The following SLC8A2 variants were observed in gnomAD, a reference collection of about 807,000 sequenced individuals.
The protein encoded by SLC8A2 is solute carrier family 8 member A2.
A neutral mutation model predicts 70.2 loss-of-function variants in SLC8A2; 14 were observed. The observed-to-expected ratio is 0.20, with a 90% CI of 0.13 to 0.31. The LOEUF is 0.31. SLC8A2 is among the 10% of genes least tolerant of loss of function. SLC8A2 has a pLI of 1.00. For missense variants in SLC8A2, 779 were observed against 1,320.1 expected (o/e 0.59, Z 6.35); for synonymous variants, 575 against 594.3 (o/e 0.97, Z 0.47).
chr19:47,454,945 G>C (rs1219634434), intron 3 of SLC8A2, among the ~76,000 whole-genome samples: 1 of 152,070 alleles, frequency 6.6e-6, no homozygotes, highest in African/African-American at 2.4e-5. Flanking sequence ...AGATTAGCTG[G>C]GTGTGGTGGT....
Position 47,437,516 on chromosome 19 carries a change from T to G in SLC8A2, c.2056A>C (p.Ile686Leu). 6.2e-7 allele frequency: 1 copy of G among 1,614,018 alleles called. No homozygotes were observed. The highest frequency in any genetic ancestry group is 8.5e-7 in the Non-Finnish European group (1 of 1,179,950). Reference sequence around the variant, plus strand: ...TGCTCCCTCCATGAATGGGTCCCAATTACCAAGGCCAAGTTCGTTTTCTTG... The same window carrying G: ...TGCTCCCTCCATGAATGGGTCCCAAGTACCAAGGCCAAGTTCGTTTTCTTG... The part of the protein sequence containing the change: ...LIKKTNLALV[I>L]GTHSWREQFL... The change falls in exon 8 of 10, where the codon ATT becomes CTT. Residue 686 changes from isoleucine to leucine, a missense_variant. By Grantham distance (5) the Ile-to-Leu change is conservative (BLOSUM62 2). Coordinates refer to ENST00000236877, the MANE Select transcript of SLC8A2 (RefSeq NM_015063.3).
Position 47,466,566 on chromosome 19 carries a change from A to G in SLC8A2, c.-16-147T>C. On this transcript the variant is annotated intron_variant, in intron 1 of 9. Coordinates refer to ENST00000236877, the MANE Select transcript of SLC8A2 (RefSeq NM_015063.3). The surrounding 1 kb of genome is among the most constrained non-coding windows in gnomAD (Gnocchi z 6.9). ...GGGACTGAGGGCGACAGAGACACAGAGAGTGACAGACAGAGACCCACAGAG... is the reference window on the plus strand; with the variant it reads ...GGGACTGAGGGCGACAGAGACACAGGGAGTGACAGACAGAGACCCACAGAG... The G allele has an allele frequency of 1.9e-6, 1 of 535,240 alleles. No homozygotes were observed. Among genetic ancestry groups the G allele is most frequent in the Non-Finnish European group, 3.3e-6 (1 of 306,222 alleles). The allele number at this position is 535,240 out of a possible 1,614,324, so 33.2% of individuals were successfully genotyped here.
Position 47,437,839 on chromosome 19 carries a change from G to T in SLC8A2, c.2010+10C>A. On this transcript the variant is annotated intron_variant, in intron 7 of 9. Transcript: ENST00000236877. ...CTGGACTCCAGGAAGGTGAGGCCCC[G>T]GAAAATCACCTTAAAATCATATGAC... The T allele has an allele frequency of 6.2e-7, 1 of 1,613,986 alleles. No individual in the cohort carries two copies.
At chr19:47,450,550 C>G (rs538136079) in intron 3 of SLC8A2, among the ~76,000 whole-genome samples, 1 of 152,032 alleles carries the variant, frequency 6.6e-6, no homozygotes, top group African/African-American at 2.4e-5. Flanking sequence ...GAGTCAGGCT[C>G]CAGTTTTCCA....
Position 47,466,411 on chromosome 19 carries a change from G to A in SLC8A2, c.-8C>T, listed in dbSNP as rs1009344843. The stretch of plus-strand genomic sequence containing the variant: ...CAAGGCCAGGGGAGCCATGGGGGGT[G>A]GTGGGGTCCTATGGGGGAGGAGGAG... On this transcript the variant is annotated 5_prime_UTR_variant, in exon 2 of 10. Coordinates refer to ENST00000236877, the MANE Select transcript of SLC8A2 (RefSeq NM_015063.3). This position sits in a 1 kb window ranked among gnomAD's most constrained non-coding sequence, Gnocchi z 6.9. The A allele has an allele frequency of 5.3e-6, 7 of 1,311,230 alleles. No individual in the cohort carries two copies. The South Asian group carries it at 1.1e-4, about 20-fold the overall frequency. 81.2% of individuals were successfully genotyped at this position (1,311,230 alleles called of 1,614,324 possible).
rs370785847 is a variant in SLC8A2 at position 47,447,952 on chromosome 19, G to C, written c.1620C>G (p.Thr540=). Residue 540 remains threonine, a synonymous_variant, in exon 4 of 10, where the codon ACC becomes ACG. Coordinates refer to ENST00000236877, the MANE Select transcript of SLC8A2 (RefSeq NM_015063.3). This position sits in a 1 kb window ranked among gnomAD's most constrained non-coding sequence, Gnocchi z 5.1. ...RLLHVSECMG[T]VDVRVVRSSG... ...AGCTGCGCACGACGCGCACGTCCAC[G>C]GTGCCCATGCACTCGCTCACGTGCA... 2 of 1,561,870 alleles carry C rather than the reference G, an allele frequency of 1.3e-6. No homozygotes were observed. Among genetic ancestry groups the C allele is most frequent in the East Asian group, 4.8e-5 (2 of 41,552 alleles).
Position 47,466,403 on chromosome 19 carries a change from TG to T in SLC8A2, c.-1del, listed in dbSNP as rs1386737613. 17 of 1,321,952 alleles carry T rather than the reference TG, an allele frequency of 1.3e-5. No individual in the cohort carries two copies. Among genetic ancestry groups the T allele is most frequent in the Non-Finnish European group, 1.6e-5 (16 of 999,912 alleles). The allele number at this position is 1,321,952 out of a possible 1,614,324, so 81.9% of individuals were successfully genotyped here. A position where few individuals can be genotyped will look rare whatever the true frequency, so the allele number is the denominator to read the frequency against. ...ACCCCCACCAAGGCCAGGGGAGCCA[TG>T]GGGGGTGGTGGGGTCCTATGGGGGA... On this transcript the variant is annotated 5_prime_UTR_variant, in exon 2 of 10. Coordinates refer to ENST00000236877, the MANE Select transcript of SLC8A2 (RefSeq NM_015063.3). This position sits in a 1 kb window ranked among gnomAD's most constrained non-coding sequence, Gnocchi z 6.9.
At chr19:47,445,007 C>T (rs1292433334) in intron 4 of SLC8A2, among the ~76,000 whole-genome samples, 2 of 152,006 alleles carry the variant, frequency 1.3e-5, no homozygotes, top group African/African-American at 4.8e-5. Context: ...TTTATCGCGT[C>T]TCCATCTCTC....
intron 2 of SLC8A2, among the ~76,000 whole-genome samples, chr19:47,462,944 C>A (rs1443064153): frequency 6.6e-6 from 1 of 152,046 alleles, no homozygotes; most frequent in Admixed American, 6.6e-5. Flanking sequence ...TGCAAATACA[C>A]TTGTTTTAAA....
intron 2 of SLC8A2, 37 bp from the exon 3 acceptor site, chr19:47,457,631 C>T (rs1251070624): frequency 2.2e-6 from 3 of 1,344,190 alleles, no homozygotes; most frequent in Non-Finnish European, 3.0e-6. Context: ...GCCGGGCGGG[C>T]CGCCTTCTCC....
intron 2 of SLC8A2, among the ~76,000 whole-genome samples, chr19:47,460,110 C>A (rs1599858159): frequency 6.6e-6 from 1 of 152,180 alleles, no homozygotes; most frequent in African/African-American, 2.4e-5. Flanking sequence ...TTCACCCAAA[C>A]GCCCTCAGTG....
At chr19:47,441,544 T>A in intron 4 of SLC8A2, 104 bp from the exon 5 acceptor site, 2 of 671,394 alleles carry the variant, frequency 3.0e-6, no homozygotes, top group South Asian at 3.4e-5. Flanking sequence ...AAGCACCTCC[T>A]CTGTCCCAGA....
chr19:47,446,404 G>T (rs892665621), intron 4 of SLC8A2, among the ~76,000 whole-genome samples: 1 of 152,172 alleles, frequency 6.6e-6, no homozygotes, highest in African/African-American at 2.4e-5. Context: ...TAGTGTACGT[G>T]TCCGTGATTT....
intron 2 of SLC8A2, among the ~76,000 whole-genome samples, chr19:47,463,205 G>A (rs1191624358): frequency 6.6e-6 from 1 of 151,226 alleles, no homozygotes; most frequent in Admixed American, 6.6e-5. Context: ...CGATCTTGGC[G>A]CACTGCAAGC....
intron 1 of SLC8A2, among the ~76,000 whole-genome samples, chr19:47,471,139 G>T (rs1182606170): frequency 1.3e-5 from 2 of 149,704 alleles, no homozygotes; most frequent in Non-Finnish European, 3.0e-5. Context: ...GGGAGGGAGA[G>T]AGAGAGAGAG....
intron 2 of SLC8A2, among the ~76,000 whole-genome samples, chr19:47,463,634 G>A (rs1263297691): frequency 6.9e-6 from 1 of 145,934 alleles, no homozygotes; most frequent in Non-Finnish European, 1.5e-5. Flanking sequence ...AGGAGGCTGA[G>A]GCAGGAGAAT....
Position 47,456,976 on chromosome 19 carries a change from G to A in SLC8A2, c.1294C>T (p.Arg432Cys), listed in dbSNP as rs201707453. ...EGNSTFYVDY[R>C]TEDGSAKAGS... Reference sequence around the variant, plus strand: ...GCCTTGGCAGAGCCGTCCTCAGTGCGGTAGTCCACGTAGAAGGTGCTGTTG... The same window carrying A: ...GCCTTGGCAGAGCCGTCCTCAGTGCAGTAGTCCACGTAGAAGGTGCTGTTG... Residue 432 changes from arginine to cysteine, a missense_variant, in exon 3 of 10, where the codon CGC becomes TGC. By Grantham distance (180) the Arg-to-Cys change is radical (BLOSUM62 -3). Transcript: ENST00000236877. 5.1e-5 allele frequency: 83 copies of A among 1,612,330 alleles called. No individual in the cohort carries two copies. The highest frequency in any genetic ancestry group is 6.4e-5 in the Non-Finnish European group (76 of 1,179,446).
At chr19:47,435,710 G>A (rs530368993) in intron 8 of SLC8A2, among the ~76,000 whole-genome samples, 33 of 152,000 alleles carry the variant, frequency 2.2e-4, no homozygotes, top group Middle Eastern at 3.4e-3. Flanking sequence ...CACCATGCCC[G>A]GCTAATTTTG....
At chr19:47,458,322 C>G (rs1181388934) in intron 2 of SLC8A2, among the ~76,000 whole-genome samples, 3 of 128,228 alleles carry the variant, frequency 2.3e-5, no homozygotes, top group African/African-American at 8.9e-5. Flanking sequence ...ATCTCAATCT[C>G]TGTTCATCTC....
Sources: gnomAD v4.1 joint callset for allele counts (sites outside exome capture counted in the v4.1 genomes callset) on GRCh38, gnomAD v4.1.1 for gene constraint, Gnocchi (gnomAD v3.1) non-coding constraint, MANE v1.5 for transcripts, NCBI Gene and HGNC (gene_info 2026-07-23, HGNC 2026-07-21) for gene names.